SLC35D4: variants seen among roughly 807,000 people sequenced by gnomAD.
SLC35D4 encodes the protein UDP-N-acetylglucosamine transporter SLC35D4.
the SLC35D4 span, among the ~76,000 whole-genome samples, chr18:23,311,209 C>T: frequency 6.6e-6 from 1 of 151,722 alleles, no homozygotes; most frequent in Non-Finnish European, 1.5e-5. Context: ...CTCAAGCACT[C>T]CTCCCGAGTA....
chr18:23,286,228 CA>C, the SLC35D4 span, among the ~76,000 whole-genome samples: 1 of 152,188 alleles, frequency 6.6e-6, no homozygotes, highest in African/African-American at 2.4e-5. Flanking sequence ...AAACCCCAGC[CA>C]CATCTCCAGC....
the SLC35D4 span, among the ~76,000 whole-genome samples, chr18:23,367,369 C>G: frequency 0.29 from 44,434 of 151,992 alleles, 7,424 homozygotes; most frequent in Non-Finnish European, 0.37. Flanking sequence ...AATCAGCCAC[C>G]TGGATGGCAT....
At chr18:23,369,382 G>A in the SLC35D4 span, among the ~76,000 whole-genome samples, 3 of 152,162 alleles carry the variant, frequency 2.0e-5, no homozygotes, top group South Asian at 4.1e-4. Context: ...TGGCCTCAGC[G>A]CTCCAGGCCT....
the SLC35D4 span, chr18:23,370,343 A>G: frequency 4.2e-6 from 6 of 1,443,964 alleles, no homozygotes; most frequent in South Asian, 7.4e-5. Flanking sequence ...CACAAAATCC[A>G]CATGGATAAA....
At chr18:23,322,852 C>T in the SLC35D4 span, among the ~76,000 whole-genome samples, 1 of 152,204 alleles carries the variant, frequency 6.6e-6, no homozygotes, top group Non-Finnish European at 1.5e-5. Flanking sequence ...TTCCTTCAAA[C>T]TCAAATCAGT....
chr18:23,412,682 C>A, the SLC35D4 span, among the ~76,000 whole-genome samples: 1 of 152,164 alleles, frequency 6.6e-6, no homozygotes, highest in African/African-American at 2.4e-5. Context: ...TCTCACAGAG[C>A]ATAATTTAGA....
the SLC35D4 span, chr18:23,365,718 C>G: frequency 6.2e-7 from 1 of 1,603,798 alleles, no homozygotes; most frequent in African/African-American, 1.3e-5. Flanking sequence ...GCACCAAAAA[C>G]CCCAGCTGTT....
the SLC35D4 span, among the ~76,000 whole-genome samples, chr18:23,381,573 T>TAACAAC: frequency 4.7e-4 from 71 of 152,202 alleles, no homozygotes; most frequent in African/African-American, 1.5e-3. Flanking sequence ...TTTGTTTTAA[T>TAACAAC]AACAACAACA....
the SLC35D4 span, among the ~76,000 whole-genome samples, chr18:23,327,456 T>A: frequency 6.6e-6 from 1 of 151,856 alleles, no homozygotes; most frequent in African/African-American, 2.4e-5. Context: ...CTAGAAGAAA[T>A]GGATAAATTC....
the SLC35D4 span, among the ~76,000 whole-genome samples, chr18:23,400,218 A>G: frequency 1.3e-5 from 2 of 152,218 alleles, no homozygotes; most frequent in Non-Finnish European, 1.5e-5. Context: ...TTATTTTTCA[A>G]TTGTAGCCAC....
At chr18:23,318,557 A>C in the SLC35D4 span, among the ~76,000 whole-genome samples, 1 of 152,204 alleles carries the variant, frequency 6.6e-6, no homozygotes, top group Non-Finnish European at 1.5e-5. Context: ...TATCATATAG[A>C]TATATCATGG....
At chr18:23,363,479 A>G in the SLC35D4 span, among the ~76,000 whole-genome samples, 23 of 134,676 alleles carry the variant, frequency 1.7e-4, no homozygotes, top group Admixed American at 2.0e-3. Context: ...GGTTCACGCC[A>G]TTCTCCTGCG....
the SLC35D4 span, among the ~76,000 whole-genome samples, chr18:23,242,843 C>G: frequency 6.6e-6 from 1 of 151,930 alleles, no homozygotes; most frequent in East Asian, 1.9e-4. Context: ...CTCCCTCTAC[C>G]CCTACATCTC....
chr18:23,344,102 A>G, the SLC35D4 span, among the ~76,000 whole-genome samples: 666 of 152,138 alleles, frequency 4.4e-3, 4 homozygotes, highest in East Asian at 0.037. Flanking sequence ...GGCTGGTCTC[A>G]AACTCCTGAC....
the SLC35D4 span, among the ~76,000 whole-genome samples, chr18:23,318,629 A>T: frequency 6.6e-6 from 1 of 152,168 alleles, no homozygotes; most frequent in African/African-American, 2.4e-5. Context: ...ACTTTACAAC[A>T]TGATTTATCC....
At chr18:23,284,474 C>T in the SLC35D4 span, among the ~76,000 whole-genome samples, 2 of 152,178 alleles carry the variant, frequency 1.3e-5, no homozygotes, top group Non-Finnish European at 2.9e-5. Context: ...TTGAATCTAC[C>T]TATGACCTGT....
the SLC35D4 span, among the ~76,000 whole-genome samples, chr18:23,272,823 TG>T: frequency 6.6e-6 from 1 of 152,224 alleles, no homozygotes; most frequent in Admixed American, 6.5e-5. Flanking sequence ...CAATGCACAG[TG>T]TCCACAGACA....
At chr18:23,365,726 G>C in the SLC35D4 span, 1 of 1,593,600 alleles carries the variant, frequency 6.3e-7, no homozygotes, top group Non-Finnish European at 8.6e-7. Flanking sequence ...AACCCCAGCT[G>C]TTCCCACACA....
chr18:23,248,512 CTTTTTTTTTTTTTT>C, the SLC35D4 span, among the ~76,000 whole-genome samples: 2 of 90,714 alleles, frequency 2.2e-5, no homozygotes, highest in Non-Finnish European at 4.3e-5. Flanking sequence ...GACCCTATGT[CTTTTTTTTTTTTTT>C]TTTTTTTTTT....
Sources: gnomAD v4.1 joint callset for allele counts (sites outside exome capture counted in the v4.1 genomes callset) on GRCh38, gnomAD v4.1.1 for gene constraint, MANE v1.5 for transcripts, NCBI Gene and HGNC (gene_info 2026-07-23, HGNC 2026-07-21) for gene names.